The following CAMTA1 variants were observed in gnomAD, a reference collection of about 807,000 sequenced individuals.
The protein encoded by CAMTA1 is calmodulin-binding transcription activator 1.
In CAMTA1, 27 loss-of-function variants were observed where a neutral mutation model predicts 170.9. That is an observed-to-expected ratio of 0.16 (90% CI 0.12 to 0.22). The LOEUF is 0.22. CAMTA1 is among the 10% of genes least tolerant of loss of function. The pLI, the probability that CAMTA1 is intolerant of heterozygous loss-of-function variation, is 1.00. For synonymous variants in CAMTA1, 833 were observed against 891.5 expected, an observed-to-expected ratio of 0.93 and a Z score of 1.17; for missense variants, 1,619 against 2,217.2, an observed-to-expected ratio of 0.73 and a Z score of 5.42.
intron 3 of CAMTA1, among the ~76,000 whole-genome samples, chr1:7,060,069 A>G (rs1333236255): frequency 1.3e-5 from 2 of 152,204 alleles, no homozygotes; most frequent in African/African-American, 4.8e-5. Flanking sequence ...CATAACCTAC[A>G]GGCCTGTGAG....
At chr1:7,241,596 T>C (rs949818931) in intron 4 of CAMTA1, among the ~76,000 whole-genome samples, 7 of 152,160 alleles carry the variant, frequency 4.6e-5, no homozygotes, top group Non-Finnish European at 8.8e-5. Context: ...GGCATAAAAA[T>C]AGACAATGGA....
chr1:7,102,814 T>C (rs1642899372), intron 4 of CAMTA1, among the ~76,000 whole-genome samples: 1 of 152,120 alleles, frequency 6.6e-6, no homozygotes, highest in African/African-American at 2.4e-5. Context: ...GGAATGGGTG[T>C]CATCTTCTCC....
intron 4 of CAMTA1, among the ~76,000 whole-genome samples, chr1:7,161,777 C>T (rs1647253389): frequency 6.6e-6 from 1 of 152,202 alleles, no homozygotes; most frequent in Non-Finnish European, 1.5e-5. Flanking sequence ...AGGGCCCATT[C>T]CATCCGGGCA....
chr1:7,186,852 C>T (rs1434364129), intron 4 of CAMTA1, among the ~76,000 whole-genome samples: 1 of 152,132 alleles, frequency 6.6e-6, no homozygotes, highest in Non-Finnish European at 1.5e-5. Flanking sequence ...GAAACGTGCA[C>T]AACCAGGTAA....
chr1:6,973,847 G>T (rs1692957772), intron 3 of CAMTA1, among the ~76,000 whole-genome samples: 1 of 152,178 alleles, frequency 6.6e-6, no homozygotes, highest in Non-Finnish European at 1.5e-5. Flanking sequence ...ACAGTGGCTG[G>T]CGGGAGGTGG....
intron 3 of CAMTA1, among the ~76,000 whole-genome samples, chr1:6,845,245 C>T (rs767880250): frequency 2.3e-4 from 35 of 152,164 alleles, no homozygotes; most frequent in African/African-American, 8.4e-4. Flanking sequence ...GGTCCAGGGG[C>T]TTCTGTTCGC....
chr1:7,185,608 A>G (rs1005341804), intron 4 of CAMTA1, among the ~76,000 whole-genome samples: 4 of 152,240 alleles, frequency 2.6e-5, no homozygotes, highest in Non-Finnish European at 4.4e-5. Context: ...ACAATTTTAC[A>G]TTGAAGAAAT....
chr1:7,166,808 G>GT (rs148558785), intron 4 of CAMTA1, among the ~76,000 whole-genome samples: 4,359 of 138,662 alleles, frequency 0.031, 146 homozygotes, highest in African/African-American at 0.093. Flanking sequence ...TTTTGATGCA[G>GT]TTTTTTTTTT....
chr1:6,901,500 G>A (rs376783586), intron 3 of CAMTA1, among the ~76,000 whole-genome samples: 2 of 152,210 alleles, frequency 1.3e-5, no homozygotes, highest in African/African-American at 4.8e-5. Flanking sequence ...GATCCATAAT[G>A]TATGAAGAAC....
chr1:7,483,508 GGAA>G (rs1452075852), intron 6 of CAMTA1, among the ~76,000 whole-genome samples: 1 of 152,212 alleles, frequency 6.6e-6, no homozygotes, highest in Non-Finnish European at 1.5e-5. Context: ...AAAGCCACTG[GGAA>G]GAAGCAAGTT....
intron 4 of CAMTA1, among the ~76,000 whole-genome samples, chr1:7,209,651 G>A (rs571735764): frequency 1.9e-4 from 29 of 152,252 alleles, no homozygotes; most frequent in East Asian, 9.7e-4. Context: ...TCCACAGGTC[G>A]CAGTGGTTGG....
chr1:6,786,395 G>A (rs1415922831), intron 1 of CAMTA1, among the ~76,000 whole-genome samples: 1 of 152,016 alleles, frequency 6.6e-6, no homozygotes, highest in East Asian at 1.9e-4. Flanking sequence ...ACACTCCCTT[G>A]CCCTTTACCT....
At chr1:6,960,178 C>A (rs941487872) in intron 3 of CAMTA1, among the ~76,000 whole-genome samples, 27 of 152,130 alleles carry the variant, frequency 1.8e-4, no homozygotes, top group Admixed American at 1.6e-3. Context: ...AATTTAAAAG[C>A]AATTATGATG....
chr1:6,976,054 G>A (rs2149608934), intron 3 of CAMTA1, among the ~76,000 whole-genome samples: 1 of 152,338 alleles, frequency 6.6e-6, no homozygotes, highest in Non-Finnish European at 1.5e-5. Flanking sequence ...GCTCACTCGA[G>A]CCAGGCACCA....
intron 5 of CAMTA1, among the ~76,000 whole-genome samples, chr1:7,379,469 T>C (rs1382342404): frequency 6.6e-6 from 1 of 152,194 alleles, no homozygotes; most frequent in Non-Finnish European, 1.5e-5. Context: ...TTCGGGAAGT[T>C]TCTTCTTTGG....
rs1389969426 is a variant in CAMTA1 at position 7,736,684 on chromosome 1, T to G, written c.3263+144T>G. The stretch of plus-strand genomic sequence containing the variant: ...CAAAGGGCTTTGTCCTTGGACAGTT[T>G]CCAAGGGAGTTTTATAAACTTCTTC... On this transcript the variant is annotated intron_variant, in intron 13 of 22. Coordinates refer to ENST00000303635, the MANE Select transcript of CAMTA1 (RefSeq NM_015215.4). The surrounding 1 kb of genome is among the most constrained non-coding windows in gnomAD (Gnocchi z 4.5). 1.2e-6 allele frequency: 1 copy of G among 804,688 alleles called. No homozygotes were observed. The highest frequency in any genetic ancestry group is 2.6e-5 in the Admixed American group (1 of 37,766). 49.8% of individuals were successfully genotyped at this position (804,688 alleles called of 1,614,324 possible). A position where few individuals can be genotyped will look rare whatever the true frequency, so the allele number is the denominator to read the frequency against.
chr1:7,104,358 C>T (rs1377468695), intron 4 of CAMTA1, among the ~76,000 whole-genome samples: 1 of 117,674 alleles, frequency 8.5e-6, no homozygotes, highest in Non-Finnish European at 1.8e-5. Context: ...TGCATAAATA[C>T]TCAATACACA....
In CAMTA1 at chr1:7,757,548, CTT is replaced by C. The variant is rs544122485; in HGVS notation, c.4989+1881_4989+1882del. On this transcript the variant is annotated intron_variant, in intron 22 of 22. Transcript: ENST00000303635. ...TTGGGAGGCCGAGGCAGCCGGATCA[CTT>C]GAGGTCAGGAGTTCGAGACCAGCCT... 3.5e-3 allele frequency among the ~76,000 whole-genome samples: 532 copies of C among 152,280 alleles called. 1 individual carries two copies. Among genetic ancestry groups the C allele is most frequent in the Non-Finnish European group, 6.0e-3 (408 of 68,020 alleles).
chr1:7,395,557 G>A (rs963216949), intron 5 of CAMTA1, among the ~76,000 whole-genome samples: 7 of 152,060 alleles, frequency 4.6e-5, no homozygotes, highest in African/African-American at 1.7e-4. Flanking sequence ...ACTATTCAGA[G>A]TCTTTTATGG....
Sources: gnomAD v4.1 joint callset for allele counts (sites outside exome capture counted in the v4.1 genomes callset) on GRCh38, gnomAD v4.1.1 for gene constraint, Gnocchi (gnomAD v3.1) non-coding constraint, MANE v1.5 for transcripts, NCBI Gene and HGNC (gene_info 2026-07-23, HGNC 2026-07-21) for gene names.